The following ATP6V0A4 variants were observed in gnomAD, a reference collection of about 807,000 sequenced individuals.
ATP6V0A4 encodes V-type proton ATPase 116 kDa subunit a 4.
ATP6V0A4 carries 86 observed loss-of-function variants against 107.3 expected under a neutral mutation model. The observed-to-expected ratio is 0.80, with a 90% CI of 0.67 to 0.96. ATP6V0A4 has a LOEUF of 0.96. Ranked by LOEUF, ATP6V0A4 falls within the 40% of genes least tolerant of loss-of-function variation. The probability of loss-of-function intolerance (pLI) is 0.00; values close to 1 mark genes in which losing one functional copy is unlikely to be tolerated. For missense variants in ATP6V0A4, 908 were observed against 1,045.6 expected (o/e 0.87, Z 1.81); for synonymous variants, 353 against 381.4 (o/e 0.93, Z 0.87).
At chr7:138,750,863 G>T (rs1413684888) in intron 11 of ATP6V0A4, among the ~76,000 whole-genome samples, 4 of 152,142 alleles carry the variant, frequency 2.6e-5, no homozygotes, top group Non-Finnish European at 5.9e-5. Flanking sequence ...CTGCCTCCTG[G>T]CTATAGGACT....
rs1426361598 is a variant in ATP6V0A4, at chr7:138,784,253, C to CGT, written c.-18+1904_-18+1905insAC. On this transcript the variant is annotated intron_variant, in intron 2 of 21. Transcript: ENST00000310018. ...ATATATACGTATATATATATATATA[C>CGT]ATATATATATATACATATATATATA... is the stretch of plus-strand genomic sequence containing the variant. 8.4e-4 allele frequency among the ~76,000 whole-genome samples: 89 copies of CGT among 106,174 alleles called. 2 individuals carry two copies. The highest frequency in any genetic ancestry group is 1.3e-3 in the Admixed American group (14 of 11,166). 69.7% of individuals were successfully genotyped at this position (106,174 alleles called of 152,430 possible).
chr7:138,736,191 C>T (rs1255305885), intron 15 of ATP6V0A4, among the ~76,000 whole-genome samples: 2 of 152,112 alleles, frequency 1.3e-5, no homozygotes, highest in African/African-American at 4.8e-5. Context: ...TGCATTGAGC[C>T]ATGATCATGC....
At chr7:138,742,106 C>T (rs1224575725) in intron 14 of ATP6V0A4, among the ~76,000 whole-genome samples, 3 of 152,070 alleles carry the variant, frequency 2.0e-5, no homozygotes, top group African/African-American at 4.8e-5. Context: ...GGTAGGCTGG[C>T]GAAATTATGC....
At chr7:138,726,415 C>A (rs1376914344) in intron 18 of ATP6V0A4, among the ~76,000 whole-genome samples, 1 of 152,214 alleles carries the variant, frequency 6.6e-6, no homozygotes, top group Admixed American at 6.5e-5. Context: ...TGGCTGGCCA[C>A]AAGGGCTCTC....
intron 20 of ATP6V0A4, among the ~76,000 whole-genome samples, chr7:138,711,045 C>T (rs1235257806): frequency 6.6e-6 from 1 of 152,088 alleles, no homozygotes; most frequent in Non-Finnish European, 1.5e-5. Context: ...TGCCACACAG[C>T]CCCCTCTGGC....
intron 5 of ATP6V0A4, among the ~76,000 whole-genome samples, chr7:138,765,992 T>C (rs928425598): frequency 1.3e-4 from 20 of 152,110 alleles, no homozygotes; most frequent in African/African-American, 4.8e-4. Context: ...GCTCAAGCAA[T>C]CCTCCTGCCT....
chr7:138,744,404 AT>A, intron 14 of ATP6V0A4, among the ~76,000 whole-genome samples: 1 of 151,620 alleles, frequency 6.6e-6, no homozygotes, highest in Admixed American at 6.6e-5. Flanking sequence ...TGCCCAGCTA[AT>A]TTTTGTATTT....
At chr7:138,761,563 G>A (rs1026177925) in intron 7 of ATP6V0A4, among the ~76,000 whole-genome samples, 4 of 151,302 alleles carry the variant, frequency 2.6e-5, no homozygotes, top group African/African-American at 4.9e-5. Context: ...CCTGGGAGGC[G>A]GAGTTTGCAG....
chr7:138,748,138 CA>C (rs60700245), intron 12 of ATP6V0A4, among the ~76,000 whole-genome samples: 3,929 of 142,022 alleles, frequency 0.028, 262 homozygotes, highest in East Asian at 0.27. Flanking sequence ...ATCACAAAGT[CA>C]AAAAAAAAAA....
chr7:138,759,932 G>C, intron 7 of ATP6V0A4, 54 bp from the exon 8 acceptor site: 2 of 1,613,030 alleles, frequency 1.2e-6, no homozygotes, highest in African/African-American at 1.3e-5. Context: ...GGGATGCAGA[G>C]AGAAGGCCCT....
intron 15 of ATP6V0A4, among the ~76,000 whole-genome samples, chr7:138,737,350 ATT>A (rs1482598541): frequency 6.6e-6 from 1 of 150,974 alleles, no homozygotes; most frequent in Non-Finnish European, 1.5e-5. Context: ...CCTGGCTCTC[ATT>A]CTCTCTCTTG....
chr7:138,795,526 T>C (rs1306286201), intron 1 of ATP6V0A4, among the ~76,000 whole-genome samples: 1 of 152,204 alleles, frequency 6.6e-6, no homozygotes, highest in African/African-American at 2.4e-5. Flanking sequence ...GTCAAACACA[T>C]TAAAATGCAC....
At chr7:138,797,298 A>T (rs1584960399) in intron 1 of ATP6V0A4, among the ~76,000 whole-genome samples, 1 of 148,316 alleles carries the variant, frequency 6.7e-6, no homozygotes, top group East Asian at 2.0e-4. Flanking sequence ...GCTTACTGCA[A>T]CCTCTGTCTT....
At position 138,781,825 on chromosome 7, in the gene ATP6V0A4, TTCTCTG is replaced by T. The variant is rs1347006344; in HGVS notation, c.-18+4327_-18+4332del. ...TCAGCAATTTTTTTTAAAGAAATTT[TTCTCTG>T]TCTCTCTCTCTCTTTTTTTTTTTTT... On this transcript the variant is annotated intron_variant, in intron 2 of 21. Coordinates refer to ENST00000310018, the MANE Select transcript of ATP6V0A4 (RefSeq NM_020632.3). Among the ~76,000 whole-genome samples the T allele has an allele frequency of 2.3e-3, 265 of 116,992 alleles. 1 individual carries two copies. The highest frequency in any genetic ancestry group is 9.0e-3 in the African/African-American group (257 of 28,526). 76.8% of individuals were successfully genotyped at this position (116,992 alleles called of 152,430 possible).
At position 138,755,677 on chromosome 7, in the gene ATP6V0A4, C is replaced by T; in HGVS notation, c.816+12G>A. 1 of 1,613,548 alleles carries T rather than the reference C, an allele frequency of 6.2e-7. No individual in the cohort carries two copies. The highest frequency in any genetic ancestry group is 2.2e-5 in the East Asian group (1 of 44,880). On this transcript the variant is annotated intron_variant, in intron 10 of 21. Coordinates refer to ENST00000310018, the MANE Select transcript of ATP6V0A4 (RefSeq NM_020632.3). ...GCTGCCATCAGACCATGCGCCCAAA[C>T]CCCTCACTCACGGTGATTAAATCTT...
intron 15 of ATP6V0A4, among the ~76,000 whole-genome samples, chr7:138,739,231 T>C (rs985849149): frequency 5.3e-5 from 8 of 152,174 alleles, no homozygotes; most frequent in African/African-American, 1.7e-4. Context: ...AAATAGCTCA[T>C]GTAATATGCA....
Position 138,784,241 on chromosome 7 carries a change from TATATATATATAC to T in ATP6V0A4, c.-18+1905_-18+1916del, listed in dbSNP as rs1183974925. Among the ~76,000 whole-genome samples, 303 of 39,472 alleles carry T rather than the reference TATATATATATAC, an allele frequency of 7.7e-3. 4 individuals carry two copies. The highest frequency in any genetic ancestry group is 0.021 in the African/African-American group (285 of 13,370). The allele number at this position is 39,472 out of a possible 152,430, so 25.9% of individuals were successfully genotyped here. A position where few individuals can be genotyped will look rare whatever the true frequency, so the allele number is the denominator to read the frequency against. The stretch of plus-strand genomic sequence containing the variant: ...ATATATATATATATATATACGTATA[TATATATATATAC>T]ATATATATATATACATATATATATA... On this transcript the variant is annotated intron_variant, in intron 2 of 21. Transcript: ENST00000310018.
intron 14 of ATP6V0A4, 131 bp from the exon 15 acceptor site, chr7:138,739,764 A>G (rs1055204069): frequency 2.3e-5 from 34 of 1,451,070 alleles, no homozygotes; most frequent in Admixed American, 1.4e-4. Context: ...GGTTGGTTCA[A>G]TATCTACTAC....
At chr7:138,742,550 G>T (rs1451097477) in intron 14 of ATP6V0A4, among the ~76,000 whole-genome samples, 2 of 152,078 alleles carry the variant, frequency 1.3e-5, no homozygotes, top group Non-Finnish European at 2.9e-5. Flanking sequence ...TTTGAGACGG[G>T]GTCTTGCTCT....
Sources: allele counts gnomAD v4.1 joint callset (sites outside exome capture counted in the v4.1 genomes callset), GRCh38; gene constraint gnomAD v4.1.1; transcripts MANE v1.5; gene names NCBI Gene and HGNC (gene_info 2026-07-23, HGNC 2026-07-21).